Variants in GALNT13 observed in about 807,000 individuals in gnomAD.
The protein encoded by GALNT13 is polypeptide N-acetylgalactosaminyltransferase 13.
In GALNT13, 28 loss-of-function variants were observed where a neutral mutation model predicts 64.2. The ratio of observed to expected loss-of-function variants is 0.44; its 90% CI spans 0.32 to 0.60. GALNT13 has a LOEUF of 0.60. GALNT13 is among the 20% of genes least tolerant of loss of function. GALNT13 has a pLI of 0.05. For synonymous variants in GALNT13, 214 were observed against 224.6 expected, an observed-to-expected ratio of 0.95 and a Z score of 0.42; for missense variants, 577 against 669.8, an observed-to-expected ratio of 0.86 and a Z score of 1.53.
the GALNT13 span, among the ~76,000 whole-genome samples, chr2:153,611,301 A>G: frequency 6.6e-6 from 1 of 152,192 alleles, no homozygotes; most frequent in South Asian, 2.1e-4. Flanking sequence ...CATACCTAAT[A>G]CATGATAGAC....
chr2:153,170,564 G>A, the GALNT13 span, among the ~76,000 whole-genome samples: 9 of 152,112 alleles, frequency 5.9e-5, no homozygotes, highest in East Asian at 3.8e-4. Flanking sequence ...GCTAAGCACC[G>A]AAGTGTCACA....
the GALNT13 span, among the ~76,000 whole-genome samples, chr2:153,728,031 G>A: frequency 6.6e-6 from 1 of 152,156 alleles, no homozygotes; most frequent in African/African-American, 2.4e-5. Flanking sequence ...TGCTGAGGAT[G>A]ATGGCTTCCA....
the GALNT13 span, among the ~76,000 whole-genome samples, chr2:153,661,078 C>T: frequency 6.6e-6 from 1 of 152,054 alleles, no homozygotes; most frequent in Admixed American, 6.6e-5. Flanking sequence ...ATCTCCAGCA[C>T]TGGATTCTAG....
chr2:154,128,608 G>T (rs955901369), intron 3 of GALNT13, among the ~76,000 whole-genome samples: 111 of 152,180 alleles, frequency 7.3e-4, no homozygotes, highest in African/African-American at 2.6e-3. Context: ...TAAAATGTTG[G>T]AATGTCCAAA....
the GALNT13 span, among the ~76,000 whole-genome samples, chr2:153,772,805 C>T: frequency 6.6e-6 from 1 of 152,150 alleles, no homozygotes; most frequent in East Asian, 1.9e-4. Context: ...ATAGGCCTTG[C>T]CTATTTAGTC....
At chr2:153,743,448 G>GT in the GALNT13 span, among the ~76,000 whole-genome samples, 2 of 151,696 alleles carry the variant, frequency 1.3e-5, no homozygotes, top group East Asian at 1.9e-4. Flanking sequence ...ATTCTATTTA[G>GT]TTTTTTTTAA....
the GALNT13 span, among the ~76,000 whole-genome samples, chr2:153,691,999 C>T: frequency 6.6e-6 from 1 of 151,972 alleles, no homozygotes; most frequent in Non-Finnish European, 1.5e-5. Context: ...AGAACATTGG[C>T]TAAATGACAT....
intron 3 of GALNT13, among the ~76,000 whole-genome samples, chr2:154,115,462 C>G (rs922395197): frequency 2.6e-5 from 4 of 151,848 alleles, no homozygotes; most frequent in Non-Finnish European, 5.9e-5. Context: ...CCTCTGACAC[C>G]CAGGCTAGAG....
chr2:153,577,249 GACTTAT>G, the GALNT13 span, among the ~76,000 whole-genome samples: 1 of 151,978 alleles, frequency 6.6e-6, no homozygotes, highest in East Asian at 1.9e-4. Context: ...ACTTTTCTTT[GACTTAT>G]ACTAAATTTT....
At chr2:153,499,422 T>A in the GALNT13 span, among the ~76,000 whole-genome samples, 107 of 152,276 alleles carry the variant, frequency 7.0e-4, no homozygotes, top group Admixed American at 1.8e-3. Context: ...CACTCTGGTT[T>A]ATTAACTTCA....
chr2:154,161,844 G>A (rs1313789827), intron 4 of GALNT13, among the ~76,000 whole-genome samples: 3 of 151,264 alleles, frequency 2.0e-5, no homozygotes, highest in Non-Finnish European at 4.4e-5. Context: ...ACAGTGGAGC[G>A]ATCTCAGCTC....
Position 154,119,158 on chromosome 2 carries a change from G to GTT in GALNT13, c.143-21178_143-21177dup, listed in dbSNP as rs1200900441. On this transcript the variant is annotated intron_variant, in intron 3 of 12. Coordinates refer to ENST00000392825, the MANE Select transcript of GALNT13 (RefSeq NM_052917.4). ...CCTTAGCTTTTGTTTGTCTACAAAAGTTCTTATTTCCCCATGACTCTGAAA... is the reference window on the plus strand; with the variant it reads ...CCTTAGCTTTTGTTTGTCTACAAAAGTTTTCTTATTTCCCCATGACTCTGAAA... Among the ~76,000 whole-genome samples the GTT allele has an allele frequency of 2.1e-3, 327 of 152,204 alleles. 4 individuals are homozygous for GTT. Among genetic ancestry groups the GTT allele is most frequent in the Admixed American group, 4.8e-3 (73 of 15,296 alleles).
At chr2:154,044,336 G>T (rs1699171924) in intron 3 of GALNT13, among the ~76,000 whole-genome samples, 1 of 152,142 alleles carries the variant, frequency 6.6e-6, no homozygotes, top group African/African-American at 2.4e-5. Context: ...TGATTAAAAA[G>T]ATACCTCGTC....
chr2:153,715,768 A>G, the GALNT13 span, among the ~76,000 whole-genome samples: 1 of 150,602 alleles, frequency 6.6e-6, no homozygotes, highest in Non-Finnish European at 1.5e-5. Flanking sequence ...TAACATCCTC[A>G]ATTCTCAGTT....
chr2:153,653,112 A>G, the GALNT13 span, among the ~76,000 whole-genome samples: 2 of 152,148 alleles, frequency 1.3e-5, no homozygotes, highest in Admixed American at 6.6e-5. Context: ...AGGTAATTTG[A>G]GTTCCAAATT....
the GALNT13 span, among the ~76,000 whole-genome samples, chr2:153,087,366 G>T: frequency 6.6e-6 from 1 of 152,034 alleles, no homozygotes; most frequent in Admixed American, 6.6e-5. Context: ...TTGATATACT[G>T]TTGGCGTCTG....
chr2:153,332,534 G>GTT, the GALNT13 span, among the ~76,000 whole-genome samples: 802 of 136,054 alleles, frequency 5.9e-3, 9 homozygotes, highest in African/African-American at 0.014. Context: ...TGAGAGTATT[G>GTT]TTTTTTTTTT....
the GALNT13 span, among the ~76,000 whole-genome samples, chr2:153,682,327 C>T: frequency 3.3e-5 from 5 of 151,658 alleles, no homozygotes; most frequent in Non-Finnish European, 5.9e-5. Flanking sequence ...ATATCGTAGT[C>T]GTATTTTCCT....
At chr2:153,105,932 C>G in the GALNT13 span, among the ~76,000 whole-genome samples, 1 of 152,094 alleles carries the variant, frequency 6.6e-6, no homozygotes, top group African/African-American at 2.4e-5. Context: ...TTTATTGAAT[C>G]ATTTTTGAAT....
Sources: allele counts gnomAD v4.1 joint callset (sites outside exome capture counted in the v4.1 genomes callset), GRCh38; gene constraint gnomAD v4.1.1; transcripts MANE v1.5; gene names NCBI Gene and HGNC (gene_info 2026-07-23, HGNC 2026-07-21).